TNRC6B: variants seen among roughly 807,000 people sequenced by gnomAD.
The protein encoded by TNRC6B is trinucleotide repeat-containing gene 6B protein.
TNRC6B carries 52 observed loss-of-function variants against 203.6 expected under a neutral mutation model. The ratio of observed to expected loss-of-function variants is 0.26; its 90% CI spans 0.20 to 0.32. TNRC6B has a LOEUF of 0.32. Ranked by LOEUF, TNRC6B falls within the 10% of genes least tolerant of loss-of-function variation. The probability of loss-of-function intolerance (pLI) is 1.00; values close to 1 mark genes in which losing one functional copy is unlikely to be tolerated. For missense variants in TNRC6B, 1,923 were observed against 2,286.2 expected (o/e 0.84, Z 3.24); for synonymous variants, 838 against 845.7 (o/e 0.99, Z 0.16).
chr22:40,231,382 G>A (rs2069867422), intron 1 of TNRC6B, among the ~76,000 whole-genome samples: 1 of 152,116 alleles, frequency 6.6e-6, no homozygotes, highest in South Asian at 2.1e-4. Context: ...CATGAGCATG[G>A]TACATCTCTT....
At chr22:40,046,252 T>G (rs2067686480) in intron 1 of TNRC6B, among the ~76,000 whole-genome samples, 1 of 152,234 alleles carries the variant, frequency 6.6e-6, no homozygotes, top group African/African-American at 2.4e-5. Flanking sequence ...TACAGATGTG[T>G]TTTGGGTAGT....
chr22:40,290,299 G>A (rs1002863255), intron 12 of TNRC6B, among the ~76,000 whole-genome samples: 1 of 152,250 alleles, frequency 6.6e-6, no homozygotes. Flanking sequence ...GACGTAGAAC[G>A]TGTCGGCGTT....
chr22:40,300,629 C>G lies in TNRC6B; in HGVS notation c.3840+43C>G, dbSNP rs2071010328. 3.1e-6 allele frequency: 4 copies of G among 1,296,410 alleles called. No homozygotes were observed. In the Admixed American group the frequency reaches 6.9e-5, roughly 22 times the overall value. 80.3% of individuals were successfully genotyped at this position (1,296,410 alleles called of 1,614,324 possible). A position where few individuals can be genotyped will look rare whatever the true frequency, so the allele number is the denominator to read the frequency against. On this transcript the variant is annotated intron_variant, in intron 13 of 22. Coordinates refer to ENST00000454349, the MANE Select transcript of TNRC6B (RefSeq NM_001162501.2). ...TTCCTGTGGCTAAAAAGGTCATTTG[C>G]TTTTTTTTTTTCTTTAGCTTTGATT...
chr22:40,062,145 C>T lies in TNRC6B; in HGVS notation c.-121+17147C>T, dbSNP rs376384435. Reference sequence around the variant, plus strand: ...TCCCAGGTTTTGTATTATTGTTATGCATTTTACTTATACGTATGTTATAAA... The same window carrying T: ...TCCCAGGTTTTGTATTATTGTTATGTATTTTACTTATACGTATGTTATAAA... On this transcript the variant is annotated intron_variant, in intron 1 of 23. Coordinates refer to the TNRC6B transcript ENST00000301923. 4.5e-4 allele frequency among the ~76,000 whole-genome samples: 68 copies of T among 152,214 alleles called. 1 individual carries two copies. Among genetic ancestry groups the T allele is most frequent in the African/African-American group, 1.6e-3 (66 of 41,544 alleles).
At chr22:40,251,460 GCTTACGCCTGTAAT>G (rs1695000311) in intron 3 of TNRC6B, among the ~76,000 whole-genome samples, 3 of 152,132 alleles carry the variant, frequency 2.0e-5, no homozygotes, top group African/African-American at 7.2e-5. Flanking sequence ...GGGCACGGTG[GCTTACGCCTGTAAT>G]CCCAGCACTT....
In TNRC6B at chr22:40,255,737, A is replaced by C. The variant is rs547224716; in HGVS notation, c.115+4537A>C. On this transcript the variant is annotated intron_variant, in intron 3 of 22. Transcript: ENST00000454349. The stretch of plus-strand genomic sequence containing the variant: ...TTCCTTGCCCAATCTGGCCCGAACT[A>C]CACAAGGTCCATGGAGGTTGCTCTC... Among the ~76,000 whole-genome samples, 291 of 152,114 alleles carry C rather than the reference A, an allele frequency of 1.9e-3. 1 individual carries two copies. Among genetic ancestry groups the C allele is most frequent in the African/African-American group, 6.5e-3 (270 of 41,532 alleles).
At chr22:40,296,573 C>T (rs2070945736) in intron 12 of TNRC6B, among the ~76,000 whole-genome samples, 1 of 151,642 alleles carries the variant, frequency 6.6e-6, no homozygotes, top group Non-Finnish European at 1.5e-5. Flanking sequence ...ACCTCGTGAC[C>T]CACCTGCCTC....
At chr22:40,304,991 C>G (rs2071071896) in intron 15 of TNRC6B, among the ~76,000 whole-genome samples, 1 of 151,812 alleles carries the variant, frequency 6.6e-6, no homozygotes, top group Admixed American at 6.6e-5. Flanking sequence ...TAATGTATAG[C>G]AAAAAGAGGA....
At position 40,130,643 on chromosome 22, in the gene TNRC6B, C is replaced by T. The variant is rs543000382; in HGVS notation, c.45+4781C>T. On this transcript the variant is annotated intron_variant, in intron 3 of 23. Transcript: ENST00000301923. Reference sequence around the variant, plus strand: ...AAAAATGCAAAAAAAAAAAATTAGCCGGGCGAGGTGGCGGATGCCTGTAGT... The same window carrying T: ...AAAAATGCAAAAAAAAAAAATTAGCTGGGCGAGGTGGCGGATGCCTGTAGT... Among the ~76,000 whole-genome samples, 12 of 150,848 alleles carry T rather than the reference C, an allele frequency of 8.0e-5. 1 individual carries two copies. In the East Asian group the frequency reaches 2.4e-3, roughly 30 times the overall value.
chr22:40,303,326 G>A (rs1023074719), intron 15 of TNRC6B, among the ~76,000 whole-genome samples: 22 of 151,812 alleles, frequency 1.4e-4, no homozygotes, highest in African/African-American at 4.8e-4. Flanking sequence ...GCACCTGGCC[G>A]ATTCTTTCTT....
chr22:40,108,167 T>C (rs551260021), intron 1 of TNRC6B, among the ~76,000 whole-genome samples: 13 of 152,290 alleles, frequency 8.5e-5, no homozygotes, highest in African/African-American at 2.6e-4. Flanking sequence ...GTAAGCCATT[T>C]ACAGCTTCTC....
intron 3 of TNRC6B, among the ~76,000 whole-genome samples, chr22:40,255,723 A>T (rs529020853): frequency 6.6e-6 from 1 of 152,142 alleles, no homozygotes; most frequent in Non-Finnish European, 1.5e-5. Context: ...TCCTTGCCCA[A>T]TCTGGCCCGA....
At chr22:40,069,180 C>T (rs979253631) in intron 1 of TNRC6B, among the ~76,000 whole-genome samples, 9 of 152,258 alleles carry the variant, frequency 5.9e-5, no homozygotes, top group African/African-American at 2.2e-4. Context: ...CCACTGCATG[C>T]AGCCTCAAAT....
chr22:40,260,695 A>G (rs1034648016), intron 3 of TNRC6B, among the ~76,000 whole-genome samples: 6 of 152,198 alleles, frequency 3.9e-5, no homozygotes, highest in African/African-American at 1.4e-4. Flanking sequence ...ACCTTTCCCA[A>G]GGACTTTGCC....
chr22:40,251,139 A>C, intron 2 of TNRC6B, 40 bp from the exon 3 acceptor site: 2 of 1,519,062 alleles, frequency 1.3e-6, no homozygotes, highest in South Asian at 2.5e-5. Flanking sequence ...TACTGAATTA[A>C]AAAGCAAATC....
At chr22:40,070,810 T>TA (rs1375563614) in intron 1 of TNRC6B, among the ~76,000 whole-genome samples, 3 of 152,250 alleles carry the variant, frequency 2.0e-5, no homozygotes, top group Non-Finnish European at 4.4e-5. Context: ...AAGATGCACT[T>TA]ACCATATGTT....
rs1445614831 is a variant in TNRC6B at position 40,330,829 on chromosome 22, G to T, written c.*7588G>T. ...AGGGAAGTCAAAGTTCCTCCTGGAAGTCCCAGGAGCAGCTGTTGAGATTTC... is the reference window on the plus strand; with the variant it reads ...AGGGAAGTCAAAGTTCCTCCTGGAATTCCCAGGAGCAGCTGTTGAGATTTC... On this transcript the variant is annotated 3_prime_UTR_variant, in exon 23 of 23. Coordinates refer to ENST00000454349, the MANE Select transcript of TNRC6B (RefSeq NM_001162501.2). 6.6e-6 allele frequency: 1 copy of T among 152,620 alleles called. No homozygotes were observed. The highest frequency in any genetic ancestry group is 1.9e-4 in the East Asian group (1 of 5,196). The allele number at this position is 152,620 out of a possible 1,614,324, so 9.5% of individuals were successfully genotyped here.
intron 1 of TNRC6B, among the ~76,000 whole-genome samples, chr22:40,094,360 A>G (rs2068171800): frequency 6.6e-6 from 1 of 152,204 alleles, no homozygotes; most frequent in Non-Finnish European, 1.5e-5. Flanking sequence ...ATCTGTCCAG[A>G]TTTCACAAAT....
intron 1 of TNRC6B, among the ~76,000 whole-genome samples, chr22:40,178,470 C>A (rs1264202026): frequency 1.3e-5 from 2 of 152,098 alleles, no homozygotes; most frequent in African/African-American, 4.8e-5. Context: ...AAAACACAGA[C>A]CTCCCCCTCC....
Sources: allele counts gnomAD v4.1 joint callset (sites outside exome capture counted in the v4.1 genomes callset), GRCh38; gene constraint gnomAD v4.1.1; transcripts MANE v1.5; gene names NCBI Gene and HGNC (gene_info 2026-07-23, HGNC 2026-07-21).